The following FBXL7 variants were observed in gnomAD, a reference collection of about 807,000 sequenced individuals.
The protein encoded by FBXL7 is F-box and leucine rich repeat protein 7, also known as F-box/LRR-repeat protein 7.
A neutral mutation model predicts 38.3 loss-of-function variants in FBXL7; 12 were observed. That is an observed-to-expected ratio of 0.31 (90% CI 0.20 to 0.51). The LOEUF (loss-of-function observed/expected upper bound fraction) is 0.51, where lower values mean the gene tolerates loss of function less well. Ranked by LOEUF, FBXL7 falls within the 20% of genes least tolerant of loss-of-function variation. The pLI is 0.98. For missense variants in FBXL7, 567 were observed against 676.4 expected, an observed-to-expected ratio of 0.84 and a Z score of 1.79; for synonymous variants, 297 against 300.9, an observed-to-expected ratio of 0.99 and a Z score of 0.13.
At chr5:15,761,706 G>A (rs888535742) in intron 2 of FBXL7, among the ~76,000 whole-genome samples, 3 of 152,050 alleles carry the variant, frequency 2.0e-5, no homozygotes, top group African/African-American at 7.2e-5. Flanking sequence ...ACCACACCCA[G>A]CTAAGTTTTT....
chr5:15,592,012 G>A (rs1486870151), intron 1 of FBXL7, among the ~76,000 whole-genome samples: 1 of 152,102 alleles, frequency 6.6e-6, no homozygotes, highest in Non-Finnish European at 1.5e-5. Context: ...GCCCGAGGTT[G>A]GCCACATCTT....
chr5:15,718,946 C>T (rs1209742549), intron 2 of FBXL7, among the ~76,000 whole-genome samples: 1 of 152,214 alleles, frequency 6.6e-6, no homozygotes, highest in Non-Finnish European at 1.5e-5. Flanking sequence ...GCTACACTTT[C>T]TCATTGCAAT....
At chr5:15,566,234 A>C (rs991257042) in intron 1 of FBXL7, among the ~76,000 whole-genome samples, 2 of 152,144 alleles carry the variant, frequency 1.3e-5, no homozygotes, top group African/African-American at 2.4e-5. Flanking sequence ...TTGTCTTGAA[A>C]GACAATTTGG....
Position 15,873,996 on chromosome 5 carries a change from T to C in FBXL7, c.128-53894T>C, listed in dbSNP as rs949432352. 2.2e-4 allele frequency among the ~76,000 whole-genome samples: 34 copies of C among 152,264 alleles called. 2 individuals are homozygous for C. Among genetic ancestry groups the C allele is most frequent in the Middle Eastern group, 6.8e-3 (2 of 294 alleles). On this transcript the variant is annotated intron_variant, in intron 2 of 3. Transcript: ENST00000504595. ...GAAAATTTCAGGCCAATATCCCTGA[T>C]GAAGATCAATGCGAAAATACCCAAT...
intron 2 of FBXL7, among the ~76,000 whole-genome samples, chr5:15,647,543 A>G (rs1368281577): frequency 6.6e-6 from 1 of 152,236 alleles, no homozygotes; most frequent in African/African-American, 2.4e-5. Flanking sequence ...TCCAGGACTA[A>G]TAAGGAATGA....
intron 1 of FBXL7, among the ~76,000 whole-genome samples, chr5:15,610,896 A>G (rs528219343): frequency 6.6e-6 from 1 of 152,306 alleles, no homozygotes; most frequent in Admixed American, 6.5e-5. Context: ...CAGCTGAAGA[A>G]ACAAAAGAAA....
intron 1 of FBXL7, among the ~76,000 whole-genome samples, chr5:15,594,459 G>A (rs182515025): frequency 1.1e-4 from 17 of 152,328 alleles, no homozygotes; most frequent in African/African-American, 4.1e-4. Flanking sequence ...CGTGAATGAT[G>A]GGAGTACCCA....
intron 2 of FBXL7, among the ~76,000 whole-genome samples, chr5:15,812,915 G>A (rs1737906231): frequency 6.6e-6 from 1 of 152,076 alleles, no homozygotes; most frequent in African/African-American, 2.4e-5. Flanking sequence ...GTTCACTCAT[G>A]ATTTGCCTCT....
At chr5:15,716,406 A>G (rs781246436) in intron 2 of FBXL7, among the ~76,000 whole-genome samples, 15 of 152,148 alleles carry the variant, frequency 9.9e-5, no homozygotes, top group Non-Finnish European at 1.8e-4. Context: ...GCCAAACACA[A>G]TTCTGCCCTC....
At chr5:15,501,437 C>T in intron 1 of FBXL7, 2 of 985,594 alleles carry the variant, frequency 2.0e-6, no homozygotes, top group Non-Finnish European at 2.4e-6. Context: ...TCCCACTCTG[C>T]ATAAAACCGT....
At chr5:15,902,196 C>G (rs573039384) in intron 2 of FBXL7, among the ~76,000 whole-genome samples, 1 of 152,268 alleles carries the variant, frequency 6.6e-6, no homozygotes, top group African/African-American at 2.4e-5. Flanking sequence ...CCCCTTCCCC[C>G]ACAGCATGTT....
At chr5:15,915,626 G>A (rs1214848114) in intron 2 of FBXL7, among the ~76,000 whole-genome samples, 2 of 152,318 alleles carry the variant, frequency 1.3e-5, no homozygotes, top group African/African-American at 4.8e-5. Context: ...CACAGACACA[G>A]GGCTGGTTAA....
At chr5:15,516,012 AC>A (rs1323054090) in intron 1 of FBXL7, among the ~76,000 whole-genome samples, 1 of 152,156 alleles carries the variant, frequency 6.6e-6, no homozygotes, top group Non-Finnish European at 1.5e-5. Context: ...GGCATAATTA[AC>A]CCAGCTACTA....
At chr5:15,828,690 G>A (rs1402301413) in intron 2 of FBXL7, among the ~76,000 whole-genome samples, 5 of 152,194 alleles carry the variant, frequency 3.3e-5, no homozygotes, top group Non-Finnish European at 7.3e-5. Context: ...TGGGGATCCA[G>A]CCGACCTTCA....
chr5:15,881,080 T>C (rs1230746600), intron 2 of FBXL7, among the ~76,000 whole-genome samples: 2 of 152,192 alleles, frequency 1.3e-5, no homozygotes, highest in Non-Finnish European at 2.9e-5. Context: ...CAGGTGGTGA[T>C]GGGTTACATG....
intron 2 of FBXL7, among the ~76,000 whole-genome samples, chr5:15,635,549 T>A (rs1741153130): frequency 6.6e-6 from 1 of 152,170 alleles, no homozygotes. Flanking sequence ...ATTTCAGCTA[T>A]TTTTAATTTA....
chr5:15,737,724 A>G (rs1220057990), intron 2 of FBXL7, among the ~76,000 whole-genome samples: 2 of 152,228 alleles, frequency 1.3e-5, no homozygotes, highest in African/African-American at 2.4e-5. Context: ...GTCTGTATAC[A>G]TTAGAGCAGA....
At chr5:15,816,627 C>T (rs1035843955) in intron 2 of FBXL7, among the ~76,000 whole-genome samples, 2 of 152,070 alleles carry the variant, frequency 1.3e-5, no homozygotes, top group East Asian at 1.9e-4. Flanking sequence ...AACACTTGTA[C>T]CCCTAAAGCT....
intron 1 of FBXL7, among the ~76,000 whole-genome samples, chr5:15,581,175 G>T (rs2126467355): frequency 6.6e-6 from 1 of 152,194 alleles, no homozygotes; most frequent in Middle Eastern, 3.4e-3. Context: ...ACCACATTAG[G>T]CATGTCAAAT....
Sources: allele counts gnomAD v4.1 joint callset (sites outside exome capture counted in the v4.1 genomes callset), GRCh38; gene constraint gnomAD v4.1.1; transcripts MANE v1.5; gene names NCBI Gene and HGNC (gene_info 2026-07-23, HGNC 2026-07-21).